Variants in CNTLN observed in about 807,000 individuals in gnomAD.
CNTLN encodes centlein.
Under a neutral mutation model 180.0 loss-of-function variants are expected in CNTLN, and 212 were observed. That is an observed-to-expected ratio of 1.18 (90% CI 1.05 to 1.32). The LOEUF (loss-of-function observed/expected upper bound fraction) is 1.32, where lower values mean the gene tolerates loss of function less well. Among genes scored for constraint, CNTLN ranks in the 40% most tolerant of loss-of-function variants. The pLI, the probability that CNTLN is intolerant of heterozygous loss-of-function variation, is 0.00. For missense variants in CNTLN, 2,095 were observed against 1,610.9 expected (o/e 1.30, Z -5.14); for synonymous variants, 722 against 563.1 (o/e 1.28, Z -3.99).
intron 2 of CNTLN, among the ~76,000 whole-genome samples, chr9:17,203,476 G>A (rs1451837618): frequency 1.3e-5 from 2 of 152,144 alleles, no homozygotes; most frequent in East Asian, 1.9e-4. Flanking sequence ...CCAATCATTC[G>A]TAGGTTTGGT....
intron 13 of CNTLN, among the ~76,000 whole-genome samples, chr9:17,367,934 G>T (rs1403337632): frequency 1.3e-5 from 2 of 152,122 alleles, no homozygotes; most frequent in Non-Finnish European, 2.9e-5. Context: ...TGTGGTGGCT[G>T]TGGTGAGAAA....
chr9:17,290,645 G>A (rs1236543088), intron 6 of CNTLN, among the ~76,000 whole-genome samples: 1 of 148,790 alleles, frequency 6.7e-6, no homozygotes, highest in Non-Finnish European at 1.5e-5. Context: ...AGACTGCTGT[G>A]CTAGCAATCA....
chr9:17,348,528 CTTTCT>C (rs745747768), intron 12 of CNTLN, among the ~76,000 whole-genome samples: 52 of 148,780 alleles, frequency 3.5e-4, no homozygotes, highest in African/African-American at 1.1e-3. Context: ...TTCTTTCTTT[CTTTCT>C]TTTTTTTTTT....
At chr9:17,291,723 A>T (rs1359755134) in intron 6 of CNTLN, among the ~76,000 whole-genome samples, 2 of 152,112 alleles carry the variant, frequency 1.3e-5, no homozygotes, top group African/African-American at 2.4e-5. Context: ...TGGGTCTCTT[A>T]AATCCAGCAC....
chr9:17,179,741 T>C (rs1821002580), intron 2 of CNTLN, among the ~76,000 whole-genome samples: 1 of 152,232 alleles, frequency 6.6e-6, no homozygotes, highest in African/African-American at 2.4e-5. Flanking sequence ...GCTAGTTCTA[T>C]ACATTGTTGA....
chr9:17,436,327 C>T (rs879590387), intron 18 of CNTLN, among the ~76,000 whole-genome samples: 1 of 152,288 alleles, frequency 6.6e-6, no homozygotes, highest in Non-Finnish European at 1.5e-5. Flanking sequence ...GAAACTTTTT[C>T]GGCAATGGCA....
intron 2 of CNTLN, among the ~76,000 whole-genome samples, chr9:17,170,541 A>G (rs1820356158): frequency 6.6e-6 from 1 of 151,924 alleles, no homozygotes; most frequent in African/African-American, 2.4e-5. Flanking sequence ...GGTAATTTCA[A>G]ATTATCTGTT....
intron 18 of CNTLN, among the ~76,000 whole-genome samples, chr9:17,445,919 C>T (rs555041553): frequency 6.6e-6 from 1 of 152,340 alleles, no homozygotes; most frequent in East Asian, 1.9e-4. Flanking sequence ...GCTCCATCTA[C>T]TGAGATAGGG....
intron 5 of CNTLN, among the ~76,000 whole-genome samples, chr9:17,272,888 T>C (rs565778287): frequency 1.3e-5 from 2 of 152,182 alleles, no homozygotes; most frequent in East Asian, 3.9e-4. Flanking sequence ...TTGCTTTCCC[T>C]CCCTCCCTCC....
chr9:17,232,303 G>A (rs750233333), intron 3 of CNTLN, among the ~76,000 whole-genome samples: 3 of 151,656 alleles, frequency 2.0e-5, no homozygotes, highest in South Asian at 2.1e-4. Flanking sequence ...ACTAATTATC[G>A]GAATATAATA....
intron 25 of CNTLN, among the ~76,000 whole-genome samples, chr9:17,492,321 T>C (rs1410231341): frequency 1.3e-5 from 2 of 152,084 alleles, no homozygotes; most frequent in African/African-American, 4.8e-5. Context: ...TTTTACCTCC[T>C]CTAATATATA....
intron 13 of CNTLN, among the ~76,000 whole-genome samples, chr9:17,369,401 C>T (rs532929335): frequency 2.6e-5 from 4 of 151,888 alleles, no homozygotes; most frequent in Non-Finnish European, 4.4e-5. Context: ...ACCAAGAAAA[C>T]ATGACTTCAT....
chr9:17,210,598 T>C lies in CNTLN; in HGVS notation c.450-15605T>C, dbSNP rs183813814. Among the ~76,000 whole-genome samples, 46 of 152,302 alleles carry C rather than the reference T, an allele frequency of 3.0e-4. 1 individual carries two copies. Among genetic ancestry groups the C allele is most frequent in the African/African-American group, 1.1e-3 (45 of 41,558 alleles). On this transcript the variant is annotated intron_variant, in intron 2 of 25. Coordinates refer to ENST00000380647, the MANE Select transcript of CNTLN (RefSeq NM_017738.4). The stretch of plus-strand genomic sequence containing the variant: ...ATACCCAGTAATGGGATGAGTCAAA[T>C]GGTATTTCTAGTTCTAGATCCTTGA...
intron 2 of CNTLN, among the ~76,000 whole-genome samples, chr9:17,219,067 T>G (rs1416397280): frequency 6.6e-6 from 1 of 152,162 alleles, no homozygotes; most frequent in East Asian, 1.9e-4. Flanking sequence ...GAAAAATGAT[T>G]GGTGCTTAAA....
intron 2 of CNTLN, among the ~76,000 whole-genome samples, chr9:17,196,319 C>T (rs377332299): frequency 4.6e-5 from 7 of 152,278 alleles, no homozygotes; most frequent in African/African-American, 1.4e-4. Context: ...CCACCAGGCC[C>T]GGCCTAGATC....
intron 2 of CNTLN, among the ~76,000 whole-genome samples, chr9:17,161,308 G>A (rs1241949876): frequency 6.6e-6 from 1 of 152,008 alleles, no homozygotes; most frequent in Non-Finnish European, 1.5e-5. Context: ...CTGGAAAAAG[G>A]ACATTTTGAA....
At chr9:17,208,654 G>A (rs1009506419) in intron 2 of CNTLN, among the ~76,000 whole-genome samples, 3 of 152,056 alleles carry the variant, frequency 2.0e-5, no homozygotes, top group African/African-American at 7.2e-5. Context: ...CTTGTTACTG[G>A]TCTGTTCAGG....
At chr9:17,299,377 G>A in intron 7 of CNTLN, 1 of 817,522 alleles carries the variant, frequency 1.2e-6, no homozygotes, top group Admixed American at 6.2e-5. Context: ...AGGCAAGTGA[G>A]GCTTAGAGAG....
chr9:17,275,831 T>C (rs1421543270), intron 6 of CNTLN, among the ~76,000 whole-genome samples: 1 of 152,092 alleles, frequency 6.6e-6, no homozygotes, highest in African/African-American at 2.4e-5. Context: ...TCTAAGAGTT[T>C]GATTATAAGG....
Sources: gnomAD v4.1 joint callset for allele counts (sites outside exome capture counted in the v4.1 genomes callset) on GRCh38, gnomAD v4.1.1 for gene constraint, MANE v1.5 for transcripts, NCBI Gene and HGNC (gene_info 2026-07-23, HGNC 2026-07-21) for gene names.